Variants in COA1 observed in about 807,000 individuals in gnomAD.
COA1 encodes cytochrome c oxidase assembly factor 1, also known as cytochrome c oxidase assembly factor 1 homolog.
Under a neutral mutation model 16.0 loss-of-function variants are expected in COA1, and 13 were observed. That is an observed-to-expected ratio of 0.81 (90% CI 0.53 to 1.29). The LOEUF (loss-of-function observed/expected upper bound fraction) is 1.29, where lower values mean the gene tolerates loss of function less well. Among genes scored for constraint, COA1 ranks in the 50% most tolerant of loss-of-function variants. The probability of loss-of-function intolerance (pLI) is 0.00; values close to 1 mark genes in which losing one functional copy is unlikely to be tolerated. For missense variants in COA1, 179 were observed against 177.0 expected, an observed-to-expected ratio of 1.01 and a Z score of -0.06; for synonymous variants, 65 against 65.7, an observed-to-expected ratio of 0.99 and a Z score of 0.05.
At chr7:43,646,681 G>A (rs1391158091) in intron 3 of COA1, 1 of 454,000 alleles carries the variant, frequency 2.2e-6, no homozygotes. Context: ...AGAGGGAAGA[G>A]GAGGCCAAAT....
At chr7:43,656,916 C>T (rs1208495717) in intron 1 of COA1, among the ~76,000 whole-genome samples, 1 of 152,064 alleles carries the variant, frequency 6.6e-6, no homozygotes, top group Non-Finnish European at 1.5e-5. Flanking sequence ...CAGTCAAGGC[C>T]GGTTGCGGTG....
chr7:43,715,204 A>G (rs954359888), intron 1 of COA1, among the ~76,000 whole-genome samples: 2 of 152,162 alleles, frequency 1.3e-5, no homozygotes, highest in South Asian at 2.1e-4. Flanking sequence ...GATACAGGAA[A>G]AAATTCATAC....
chr7:43,619,877 G>C (rs1200329938), intron 6 of COA1, among the ~76,000 whole-genome samples: 3 of 152,176 alleles, frequency 2.0e-5, no homozygotes, highest in Admixed American at 6.5e-5. Flanking sequence ...TTTTACAATG[G>C]AAAACGTTCA....
chr7:43,649,206 TATC>T (rs1378748684), intron 1 of COA1: 1 of 152,344 alleles, frequency 6.6e-6, no homozygotes, highest in Non-Finnish European at 1.5e-5. Flanking sequence ...TAGGAACTAT[TATC>T]ATCACGCTCA....
chr7:43,645,777 G>A lies in COA1; in HGVS notation c.116-378C>T, dbSNP rs2089113047. ...AAGTCCTACTATGATTCCATGACTT[G>A]TTCAAAGTGACACAGCTGGTCCATG... On this transcript the variant is annotated intron_variant, in intron 3 of 5. Transcript: ENST00000223336. The A allele has an allele frequency of 1.2e-5, 2 of 170,528 alleles. 1 individual carries two copies. The highest frequency in any genetic ancestry group is 2.6e-4 in the South Asian group (2 of 7,808). The allele number at this position is 170,528 out of a possible 1,614,324, so 10.6% of individuals were successfully genotyped here.
chr7:43,653,275 G>C (rs145394447), intron 1 of COA1, among the ~76,000 whole-genome samples: 374 of 151,798 alleles, frequency 2.5e-3, no homozygotes, highest in African/African-American at 8.1e-3. Context: ...TTGCGCCACT[G>C]CACTCCAGCC....
intron 1 of COA1, among the ~76,000 whole-genome samples, chr7:43,684,724 A>ACTAC (rs1406629494): frequency 6.6e-6 from 1 of 152,162 alleles, no homozygotes; most frequent in Non-Finnish European, 1.5e-5. Context: ...CATGCTCTTA[A>ACTAC]CTACCATACT....
At chr7:43,690,969 G>C (rs2130919709) in intron 1 of COA1, among the ~76,000 whole-genome samples, 1 of 145,158 alleles carries the variant, frequency 6.9e-6, no homozygotes, top group African/African-American at 2.5e-5. Context: ...TGTAATCTCA[G>C]CTCTTTGGGA....
chr7:43,670,792 A>G (rs1248255733), intron 1 of COA1, among the ~76,000 whole-genome samples: 3 of 152,188 alleles, frequency 2.0e-5, no homozygotes, highest in African/African-American at 7.2e-5. Flanking sequence ...CTCCACTAAA[A>G]TGTAATCTGC....
chr7:43,722,091 CTT>C (rs34638426), intron 1 of COA1, among the ~76,000 whole-genome samples: 336 of 132,272 alleles, frequency 2.5e-3, no homozygotes, highest in African/African-American at 4.0e-3. Context: ...ATTCTGGTAA[CTT>C]TTTTTTTTTT....
Position 43,688,282 on chromosome 7 carries a change from T to G in COA1, c.-38-39630A>C, listed in dbSNP as rs1291173216. ...TAAGTCATCAAATTCCTAAAGTAAT[T>G]AATGTATGCAATTAATGCTTATGCC... is the stretch of plus-strand genomic sequence containing the variant. On this transcript the variant is annotated intron_variant, in intron 1 of 5. Transcript: ENST00000223336. Among the ~76,000 whole-genome samples the G allele has an allele frequency of 2.0e-5, 3 of 152,306 alleles. No individual in the cohort carries two copies. The East Asian group carries it at 5.8e-4, about 29-fold the overall frequency.
intron 6 of COA1, among the ~76,000 whole-genome samples, chr7:43,616,087 A>G (rs2152994848): frequency 6.6e-6 from 1 of 152,352 alleles, no homozygotes; most frequent in Admixed American, 6.5e-5. Flanking sequence ...CCCAGGGCCT[A>G]GCTCATTAGG....
At chr7:43,704,726 C>T (rs1194372406) in intron 1 of COA1, among the ~76,000 whole-genome samples, 1 of 152,004 alleles carries the variant, frequency 6.6e-6, no homozygotes, top group Non-Finnish European at 1.5e-5. Context: ...TACTGTGTTC[C>T]CTGGATTGGG....
At chr7:43,646,963 T>C in intron 3 of COA1, 1 of 182,684 alleles carries the variant, frequency 5.5e-6, no homozygotes, top group Non-Finnish European at 1.2e-5. Context: ...TGACCTTAAA[T>C]GTCCTGGCTG....
At position 43,640,812 on chromosome 7, in the gene COA1, T is replaced by G. The variant is rs2086856535; in HGVS notation, c.265-163A>C. 8 of 563,928 alleles carry G rather than the reference T, an allele frequency of 1.4e-5. No homozygotes were observed. In the Middle Eastern group the frequency reaches 1.4e-3, roughly 98 times the overall value. The allele number at this position is 563,928 out of a possible 1,614,324, so 34.9% of individuals were successfully genotyped here. ...GCCCAGCTGGAGAATCCACTTGATT[T>G]TCCAAATGTCCTGCCCCTCTTTGGT... On this transcript the variant is annotated intron_variant, in intron 4 of 5. Coordinates refer to ENST00000223336, the MANE Select transcript of COA1 (RefSeq NM_018224.4).
chr7:43,700,586 A>G (rs2094694411), intron 1 of COA1, among the ~76,000 whole-genome samples: 1 of 74,562 alleles, frequency 1.3e-5, no homozygotes, highest in African/African-American at 5.8e-5. Flanking sequence ...ATACGTGTAT[A>G]TATACGTGTG....
chr7:43,716,534 T>G (rs781093973), intron 1 of COA1, among the ~76,000 whole-genome samples: 2 of 152,176 alleles, frequency 1.3e-5, no homozygotes, highest in Admixed American at 6.5e-5. Flanking sequence ...AAAAGGTAAC[T>G]TGGGTGCTGT....
At chr7:43,709,027 C>CTTT (rs538423823) in intron 1 of COA1, among the ~76,000 whole-genome samples, 2 of 143,298 alleles carry the variant, frequency 1.4e-5, no homozygotes, top group Non-Finnish European at 1.5e-5. Flanking sequence ...CTCCTATAAT[C>CTTT]TTTTTTTTTT....
rs1165121530 is a variant in COA1, at chr7:43,710,348, C to CAA, written c.-39+19079_-39+19080dup. 4.2e-3 allele frequency among the ~76,000 whole-genome samples: 222 copies of CAA among 52,416 alleles called. 15 individuals carry two copies. The highest frequency in any genetic ancestry group is 5.4e-3 in the Non-Finnish European group (154 of 28,530). 34.4% of individuals were successfully genotyped at this position (52,416 alleles called of 152,430 possible). ...TGGGTGAAAGAGCAAGACTCTGTCT[C>CAA]AAAAAAAAAAAAAAAAAAAAAAAAA... On this transcript the variant is annotated intron_variant, in intron 1 of 5. Coordinates refer to ENST00000223336, the MANE Select transcript of COA1 (RefSeq NM_018224.4).
Sources: gnomAD v4.1 joint callset for allele counts (sites outside exome capture counted in the v4.1 genomes callset) on GRCh38, gnomAD v4.1.1 for gene constraint, MANE v1.5 for transcripts, NCBI Gene and HGNC (gene_info 2026-07-23, HGNC 2026-07-21) for gene names.